ANKS1B: variants seen among roughly 807,000 people sequenced by gnomAD.
ANKS1B encodes ankyrin repeat and sterile alpha motif domain containing 1B, also known as ankyrin repeat and sterile alpha motif domain-containing protein 1B.
ANKS1B carries 36 observed loss-of-function variants against 148.3 expected under a neutral mutation model. That is an observed-to-expected ratio of 0.24 (90% CI 0.19 to 0.32). ANKS1B has a LOEUF of 0.32. ANKS1B is among the 10% of genes least tolerant of loss of function. The probability of loss-of-function intolerance (pLI) is 1.00; values close to 1 mark genes in which losing one functional copy is unlikely to be tolerated. For missense variants in ANKS1B, 1,157 were observed against 1,542.6 expected, an observed-to-expected ratio of 0.75 and a Z score of 4.19; for synonymous variants, 542 against 560.8, an observed-to-expected ratio of 0.97 and a Z score of 0.47.
At chr12:98,913,395 G>C (rs2152851913) in intron 17 of ANKS1B, among the ~76,000 whole-genome samples, 1 of 152,146 alleles carries the variant, frequency 6.6e-6, no homozygotes, top group South Asian at 2.1e-4. Context: ...CTGTCTTCTT[G>C]CTGATTCCTC....
chr12:99,279,903 A>T (rs2078174678), intron 12 of ANKS1B, among the ~76,000 whole-genome samples: 10 of 152,066 alleles, frequency 6.6e-5, no homozygotes, highest in Admixed American at 6.6e-4. Flanking sequence ...ACCTGGGAAG[A>T]TGAGGTCGGA....
chr12:99,151,768 T>G (rs1011497101), intron 15 of ANKS1B, among the ~76,000 whole-genome samples: 5 of 152,204 alleles, frequency 3.3e-5, no homozygotes, highest in Admixed American at 2.0e-4. Flanking sequence ...CATTAATGGA[T>G]TCTTGATTGA....
intron 12 of ANKS1B, among the ~76,000 whole-genome samples, chr12:99,301,706 A>T (rs886411825): frequency 6.6e-6 from 1 of 152,210 alleles, no homozygotes; most frequent in African/African-American, 2.4e-5. Flanking sequence ...ATGAACTCTT[A>T]GGAAAAAATA....
chr12:99,696,924 T>A (rs2054019792), intron 8 of ANKS1B, among the ~76,000 whole-genome samples: 1 of 152,164 alleles, frequency 6.6e-6, no homozygotes. Flanking sequence ...GCAAAAGATC[T>A]TAACAGCTAC....
chr12:98,821,436 A>G (rs971838066), intron 19 of ANKS1B, among the ~76,000 whole-genome samples: 2 of 152,148 alleles, frequency 1.3e-5, no homozygotes, highest in Admixed American at 6.6e-5. Context: ...CATTGTTCAC[A>G]TGGAGCTAAA....
chr12:98,881,184 T>A (rs17028881), intron 17 of ANKS1B, among the ~76,000 whole-genome samples: 1 of 152,176 alleles, frequency 6.6e-6, no homozygotes, highest in African/African-American at 2.4e-5. Flanking sequence ...CTGAACACTG[T>A]AGTATAAATA....
chr12:99,030,054 G>A (rs1340873583), intron 17 of ANKS1B, among the ~76,000 whole-genome samples: 1 of 152,258 alleles, frequency 6.6e-6, no homozygotes, highest in Non-Finnish European at 1.5e-5. Flanking sequence ...TGTGTTCCCA[G>A]TCCTGACACT....
chr12:99,568,255 C>T (rs1449857480), intron 9 of ANKS1B, among the ~76,000 whole-genome samples: 2 of 152,146 alleles, frequency 1.3e-5, no homozygotes, highest in Non-Finnish European at 2.9e-5. Flanking sequence ...GGCTCATGGC[C>T]TCTTCCTCTA....
chr12:98,912,317 C>T (rs941167336), intron 17 of ANKS1B, among the ~76,000 whole-genome samples: 1 of 152,154 alleles, frequency 6.6e-6, no homozygotes, highest in Non-Finnish European at 1.5e-5. Context: ...TGTTAGTATC[C>T]TGAGCACTCG....
At chr12:99,940,037 C>T (rs2094880245) in intron 1 of ANKS1B, among the ~76,000 whole-genome samples, 1 of 152,140 alleles carries the variant, frequency 6.6e-6, no homozygotes, top group Non-Finnish European at 1.5e-5. Context: ...ACAAAATATT[C>T]AATGTTGTGT....
intron 11 of ANKS1B, among the ~76,000 whole-genome samples, chr12:99,423,408 T>C (rs1398353259): frequency 6.6e-5 from 10 of 152,148 alleles, no homozygotes; most frequent in Non-Finnish European, 1.5e-5. Context: ...AGTTCCATTA[T>C]TGTGGAAGAG....
At chr12:98,740,314 T>C (rs1347948808), downstream of ANKS1B, among the ~76,000 whole-genome samples, 5 of 152,184 alleles carry the variant, frequency 3.3e-5, no homozygotes, top group African/African-American at 1.2e-4. Flanking sequence ...CCCTCTACTC[T>C]CACCCTTGAT....
intron 9 of ANKS1B, among the ~76,000 whole-genome samples, chr12:99,517,364 C>T (rs2096831781): frequency 1.4e-5 from 2 of 142,544 alleles, no homozygotes. Context: ...GATTTTGTAT[C>T]CTGACACTAC....
chr12:98,906,617 C>T (rs1461205221), intron 17 of ANKS1B, among the ~76,000 whole-genome samples: 1 of 152,168 alleles, frequency 6.6e-6, no homozygotes, highest in Non-Finnish European at 1.5e-5. Context: ...ACTCAGGATG[C>T]ATGGCCACTG....
chr12:98,838,857 T>C (rs1005932812), intron 17 of ANKS1B, among the ~76,000 whole-genome samples: 8 of 152,212 alleles, frequency 5.3e-5, no homozygotes, highest in East Asian at 1.9e-4. Context: ...TTTGTTCTCA[T>C]CTGCAGAACT....
chr12:99,465,872 T>C (rs543741427), intron 10 of ANKS1B, among the ~76,000 whole-genome samples: 4 of 152,030 alleles, frequency 2.6e-5, no homozygotes, highest in African/African-American at 7.3e-5. Context: ...CTGTCAACAT[T>C]AGACAGATCA....
At chr12:99,839,328 T>C (rs1173691930) in intron 1 of ANKS1B, among the ~76,000 whole-genome samples, 1 of 152,174 alleles carries the variant, frequency 6.6e-6, no homozygotes, top group East Asian at 1.9e-4. Context: ...TTCTGTATTT[T>C]TCCAGCTGAA....
At chr12:98,833,705 A>G (rs1415278315) in intron 17 of ANKS1B, among the ~76,000 whole-genome samples, 1 of 152,108 alleles carries the variant, frequency 6.6e-6, no homozygotes, top group Non-Finnish European at 1.5e-5. Context: ...GGTAGTATGC[A>G]TAGTACCCAA....
chr12:99,298,712 G>T (rs1019527648), intron 12 of ANKS1B, among the ~76,000 whole-genome samples: 1 of 152,146 alleles, frequency 6.6e-6, no homozygotes, highest in Non-Finnish European at 1.5e-5. Flanking sequence ...TAAGTGAAGA[G>T]AACAAGGTTT....
Sources: gnomAD v4.1 joint callset for allele counts (sites outside exome capture counted in the v4.1 genomes callset) on GRCh38, gnomAD v4.1.1 for gene constraint, MANE v1.5 for transcripts, NCBI Gene and HGNC (gene_info 2026-07-23, HGNC 2026-07-21) for gene names.